Variants in NARS1 observed in about 807,000 individuals in gnomAD.
NARS1 encodes the protein asparagine--tRNA ligase, cytoplasmic.
In NARS1, 65 loss-of-function variants were observed where a neutral mutation model predicts 79.2. The observed-to-expected ratio is 0.82, with a 90% CI of 0.67 to 1.01. The LOEUF is 1.01. Among genes scored for constraint, NARS1 ranks in the 50% least tolerant of loss-of-function variants. The pLI is 0.00. For missense variants in NARS1, 649 were observed against 673.8 expected (o/e 0.96, Z 0.41); for synonymous variants, 229 against 238.8 (o/e 0.96, Z 0.38).
At position 57,600,983 on chromosome 18, in the gene NARS1, A is replaced by T. The variant is rs1294013797; in HGVS notation, c.*669T>A. 2 of 151,180 alleles carry T rather than the reference A, an allele frequency of 1.3e-5. No individual in the cohort carries two copies. Among genetic ancestry groups the T allele is most frequent in the Admixed American group, 6.6e-5 (1 of 15,114 alleles). The allele number at this position is 151,180 out of a possible 1,614,324, so 9.4% of individuals were successfully genotyped here. On this transcript the variant is annotated 3_prime_UTR_variant, in exon 14 of 14. Coordinates refer to ENST00000256854, the MANE Select transcript of NARS1 (RefSeq NM_004539.4). The stretch of plus-strand genomic sequence containing the variant: ...GAGGGATACTGTGAATCACTAAAAA[A>T]CTCTCCCCAAAATTATGTTCTTACT...
Position 57,601,457 on chromosome 18 carries a change from A to G in NARS1, c.*195T>C, listed in dbSNP as rs536120547. On this transcript the variant is annotated 3_prime_UTR_variant, in exon 14 of 14. Transcript: ENST00000256854. ...TTTCCCGAACTTAAGAAAAAAATGGATATTTTTTCTTAAGATGACAACCTT... is the reference window on the plus strand; with the variant it reads ...TTTCCCGAACTTAAGAAAAAAATGGGTATTTTTTCTTAAGATGACAACCTT... 8 of 487,644 alleles carry G rather than the reference A, an allele frequency of 1.6e-5. No individual in the cohort carries two copies. In the Admixed American group the frequency reaches 2.7e-4, roughly 17 times the overall value. 30.2% of individuals were successfully genotyped at this position (487,644 alleles called of 1,614,324 possible).
intron 11 of NARS1, among the ~76,000 whole-genome samples, chr18:57,605,121 G>GAAAAAAA (rs199936147): frequency 1.2e-4 from 15 of 125,402 alleles, no homozygotes; most frequent in African/African-American, 3.6e-4. Flanking sequence ...ACATTCTCCA[G>GAAAAAAA]AAAAAAAAAA....
chr18:57,614,954 T>C (rs1439715949), intron 4 of NARS1, among the ~76,000 whole-genome samples: 1 of 151,718 alleles, frequency 6.6e-6, no homozygotes, highest in African/African-American at 2.4e-5. Context: ...GGTGGGAGGA[T>C]CCCTTGAGCC....
intron 12 of NARS1, 157 bp from the exon 13 acceptor site, chr18:57,602,643 A>G: frequency 8.3e-7 from 1 of 1,204,378 alleles, no homozygotes; most frequent in Non-Finnish European, 1.1e-6. Flanking sequence ...CTAATTTAAC[A>G]AAGCATGTCA....
chr18:57,603,683 T>C (rs566833075), intron 11 of NARS1, among the ~76,000 whole-genome samples: 3 of 152,302 alleles, frequency 2.0e-5, no homozygotes, highest in South Asian at 4.1e-4. Context: ...AGAAGACTCA[T>C]AGATTTGTTT....
chr18:57,617,770 C>T (rs1223940792), intron 2 of NARS1, among the ~76,000 whole-genome samples: 1 of 149,934 alleles, frequency 6.7e-6, no homozygotes, highest in Non-Finnish European at 1.5e-5. Context: ...CAAAAATTGG[C>T]CAGGTGTGGT....
intron 11 of NARS1, among the ~76,000 whole-genome samples, chr18:57,604,142 G>T (rs1231943595): frequency 6.6e-6 from 1 of 152,230 alleles, no homozygotes; most frequent in Non-Finnish European, 1.5e-5. Context: ...CACCTGGGGG[G>T]CCTTCTGACT....
chr18:57,604,253 C>T lies in NARS1; in HGVS notation c.1252-1310G>A, dbSNP rs73961931. 6.4e-3 allele frequency among the ~76,000 whole-genome samples: 981 copies of T among 152,270 alleles called. 14 individuals carry two copies. Among genetic ancestry groups the T allele is most frequent in the African/African-American group, 0.023 (949 of 41,538 alleles). On this transcript the variant is annotated intron_variant, in intron 11 of 13. Coordinates refer to ENST00000256854, the MANE Select transcript of NARS1 (RefSeq NM_004539.4). The stretch of plus-strand genomic sequence containing the variant: ...AATACAAAATTTTGTCATTATACAT[C>T]ATAAACTGAATTCATAGGCTGGGCA...
At chr18:57,614,491 A>C (rs2051631244) in intron 4 of NARS1, among the ~76,000 whole-genome samples, 2 of 151,866 alleles carry the variant, frequency 1.3e-5, no homozygotes, top group South Asian at 4.2e-4. Flanking sequence ...ACAAGAGTGA[A>C]ACTCTGTCTC....
intron 6 of NARS1, among the ~76,000 whole-genome samples, chr18:57,610,594 C>T (rs2051596864): frequency 6.6e-6 from 1 of 152,174 alleles, no homozygotes; most frequent in African/African-American, 2.4e-5. Context: ...GACCTAACCT[C>T]CAATTTATAA....
intron 2 of NARS1, among the ~76,000 whole-genome samples, chr18:57,617,001 A>T: frequency 6.7e-6 from 1 of 150,008 alleles, no homozygotes; most frequent in Non-Finnish European, 1.5e-5. Context: ...AAACTCATTT[A>T]ATCTGAAAAA....
chr18:57,614,546 A>C (rs76233724), intron 4 of NARS1, among the ~76,000 whole-genome samples: 1 of 152,164 alleles, frequency 6.6e-6, no homozygotes, highest in Non-Finnish European at 1.5e-5. Context: ...ACTGGAAATC[A>C]AACCATTTTC....
chr18:57,616,712 A>C (rs1599039719), intron 2 of NARS1, among the ~76,000 whole-genome samples: 1 of 152,234 alleles, frequency 6.6e-6, no homozygotes, highest in Non-Finnish European at 1.5e-5. Flanking sequence ...GGTTAAGAAC[A>C]CAAAAAGCGG....
intron 9 of NARS1, 165 bp downstream of exon 9, chr18:57,606,969 C>G: frequency 1.1e-6 from 1 of 922,140 alleles, no homozygotes; most frequent in Non-Finnish European, 1.6e-6. Context: ...AAAAAGAGAA[C>G]TTAGCTACGA....
chr18:57,603,286 C>T (rs1051275428), intron 11 of NARS1, among the ~76,000 whole-genome samples: 1 of 151,872 alleles, frequency 6.6e-6, no homozygotes. Context: ...CTCAGTGGCC[C>T]GTTTTGTCTA....
chr18:57,610,396 T>C (rs2051595385), intron 6 of NARS1, among the ~76,000 whole-genome samples: 1 of 152,152 alleles, frequency 6.6e-6, no homozygotes. Flanking sequence ...CACTTGAATC[T>C]GGGAGGCAGA....
At chr18:57,605,610 CAAAAA>C (rs11285116) in intron 11 of NARS1, among the ~76,000 whole-genome samples, 2 of 109,652 alleles carry the variant, frequency 1.8e-5, no homozygotes, top group Admixed American at 2.0e-4. Flanking sequence ...GACTCCGTCT[CAAAAA>C]AAAAAAAAAA....
chr18:57,613,967 C>T (rs775808552), intron 4 of NARS1, among the ~76,000 whole-genome samples: 1 of 152,156 alleles, frequency 6.6e-6, no homozygotes, highest in African/African-American at 2.4e-5. Flanking sequence ...TAAATGAATT[C>T]CTTTGTCATA....
At chr18:57,603,246 A>C (rs897312613) in intron 11 of NARS1, among the ~76,000 whole-genome samples, 5 of 152,050 alleles carry the variant, frequency 3.3e-5, no homozygotes, top group Non-Finnish European at 5.9e-5. Flanking sequence ...GCCAGCCCCA[A>C]GCTGTGACTA....
Sources: allele counts gnomAD v4.1 joint callset (sites outside exome capture counted in the v4.1 genomes callset), GRCh38; gene constraint gnomAD v4.1.1; transcripts MANE v1.5; gene names NCBI Gene and HGNC (gene_info 2026-07-23, HGNC 2026-07-21).